The following MBD5 variants were observed in gnomAD, a reference collection of about 807,000 sequenced individuals.
The protein encoded by MBD5 is methyl-CpG-binding domain protein 5.
In MBD5, 13 loss-of-function variants were observed where a neutral mutation model predicts 117.3. The observed-to-expected ratio is 0.11, with a 90% CI of 0.07 to 0.18. The LOEUF (loss-of-function observed/expected upper bound fraction) is 0.18. MBD5 is among the 10% of genes least tolerant of loss of function. MBD5 has a pLI of 1.00. For missense variants in MBD5, 1,879 were observed against 2,093.8 expected (o/e 0.90, Z 2.00); for synonymous variants, 727 against 766.4 (o/e 0.95, Z 0.85).
chr2:148,459,215 A>C (rs1245613870), intron 5 of MBD5, among the ~76,000 whole-genome samples: 3 of 152,154 alleles, frequency 2.0e-5, no homozygotes, highest in Non-Finnish European at 2.9e-5. Flanking sequence ...TGTCCTTCAG[A>C]GTGTGTCAGC....
intron 4 of MBD5, among the ~76,000 whole-genome samples, chr2:148,362,093 T>A (rs1245752178): frequency 6.6e-6 from 1 of 151,816 alleles, no homozygotes; most frequent in Non-Finnish European, 1.5e-5. Context: ...GCTGCCGGAG[T>A]TTTTTTCATA....
At chr2:148,325,997 A>G (rs1305291201) in intron 3 of MBD5, among the ~76,000 whole-genome samples, 4 of 152,094 alleles carry the variant, frequency 2.6e-5, no homozygotes, top group Non-Finnish European at 5.9e-5. Context: ...CCCTCTACAT[A>G]CTGCTTTGAA....
Position 148,021,227 on chromosome 2 carries a change from T to C in MBD5, c.-1382T>C. On this transcript the variant is annotated 5_prime_UTR_variant, in exon 1 of 14. Coordinates refer to ENST00000642680, the MANE Select transcript of MBD5 (RefSeq NM_001378120.1). ...CACTTCAACCTTGAATTCAGGGGGG[T>C]GGGGGGAAGGCGGCTGAGTTCCTTC... The C allele has an allele frequency of 3.9e-6, 1 of 253,544 alleles. No homozygotes were observed. The highest frequency in any genetic ancestry group is 8.1e-6 in the Non-Finnish European group (1 of 122,718). The allele number at this position is 253,544 out of a possible 1,614,324, so 15.7% of individuals were successfully genotyped here.
intron 4 of MBD5, among the ~76,000 whole-genome samples, chr2:148,382,216 C>T (rs568057066): frequency 7.9e-5 from 12 of 151,574 alleles, no homozygotes; most frequent in East Asian, 3.9e-4. Flanking sequence ...ACCCATCTCA[C>T]GTGCAGAGAC....
At chr2:148,092,285 C>T (rs536778637) in intron 1 of MBD5, among the ~76,000 whole-genome samples, 58 of 152,148 alleles carry the variant, frequency 3.8e-4, no homozygotes, top group Non-Finnish European at 7.8e-4. Context: ...GTAGAACTAC[C>T]ATTTGACCCG....
At chr2:148,038,867 T>C (rs1470602427) in intron 1 of MBD5, among the ~76,000 whole-genome samples, 2 of 152,058 alleles carry the variant, frequency 1.3e-5, no homozygotes, top group African/African-American at 4.8e-5. Context: ...ATATATTAAA[T>C]AGAAAAACTG....
chr2:148,397,917 T>C (rs1161657304), intron 4 of MBD5, among the ~76,000 whole-genome samples: 1 of 151,942 alleles, frequency 6.6e-6, no homozygotes, highest in Non-Finnish European at 1.5e-5. Context: ...GTTTTTTGTC[T>C]TTTGCGATAG....
intron 6 of MBD5, among the ~76,000 whole-genome samples, chr2:148,463,346 G>A (rs990963225): frequency 3.3e-5 from 5 of 152,044 alleles, no homozygotes; most frequent in African/African-American, 7.2e-5. Context: ...TAATATTAAC[G>A]TAATAATAAA....
intron 4 of MBD5, among the ~76,000 whole-genome samples, chr2:148,406,548 T>G (rs1705083646): frequency 6.6e-6 from 1 of 152,200 alleles, no homozygotes; most frequent in Admixed American, 6.5e-5. Context: ...TTGTCACTCC[T>G]CTTGCTTATA....
At chr2:148,326,622 G>T (rs1037931661) in intron 3 of MBD5, among the ~76,000 whole-genome samples, 7 of 152,042 alleles carry the variant, frequency 4.6e-5, no homozygotes, top group South Asian at 2.1e-4. Flanking sequence ...ATCTTTGTTG[G>T]TTTAAAGTCT....
intron 1 of MBD5, among the ~76,000 whole-genome samples, chr2:148,176,699 A>G (rs10427158): frequency 0.93 from 140,808 of 152,080 alleles, 65,971 homozygotes; most frequent in East Asian, 1. Flanking sequence ...TTGAGCCACT[A>G]CGCCCAGCAA....
chr2:148,434,022 G>GT (rs1706076074), intron 4 of MBD5, among the ~76,000 whole-genome samples: 1 of 151,624 alleles, frequency 6.6e-6, no homozygotes, highest in African/African-American at 2.4e-5. Flanking sequence ...CTGGTCCTGG[G>GT]TTTTTTCTGG....
intron 3 of MBD5, among the ~76,000 whole-genome samples, chr2:148,270,226 G>A (rs1700951178): frequency 6.6e-6 from 1 of 151,934 alleles, no homozygotes; most frequent in African/African-American, 2.4e-5. Context: ...GTATTGGCTG[G>A]CTTGTCTTGA....
At position 148,490,568 on chromosome 2, in the gene MBD5, T is replaced by C. The variant is rs1325416487; in HGVS notation, c.4936T>C (p.Cys1646Arg). 4 of 1,614,100 alleles carry C rather than the reference T, an allele frequency of 2.5e-6. No individual in the cohort carries two copies. The highest frequency in any genetic ancestry group is 3.3e-5 in the Admixed American group (2 of 60,010). ...LVREDDVHNS[C>R]QQSPEEGKVE... ...AAGAGAAGACGACGTTCACAATTCA[T>C]GTCAACAAAGCCCCGAGGAAGGGAA... Residue 1646 changes from cysteine (C) to arginine (R), a missense_variant, in exon 11 of 14, where the codon TGT becomes CGT. By Grantham distance (180) the Cys-to-Arg change is radical. Transcript: ENST00000642680.
chr2:148,119,947 A>G (rs1015004081), intron 1 of MBD5, among the ~76,000 whole-genome samples: 1 of 150,720 alleles, frequency 6.6e-6, no homozygotes, highest in African/African-American at 2.4e-5. Flanking sequence ...TTTGTCACGC[A>G]TGCTCAAACA....
chr2:148,142,143 A>G lies in MBD5; in HGVS notation c.-924-36557A>G, dbSNP rs147575992. ...CTATCGTATTGCAAATGGGAGTCCC[A>G]CAAAAGAAGAACCAAAACAATAGAG... On this transcript the variant is annotated intron_variant, in intron 1 of 13. Transcript: ENST00000642680. Among the ~76,000 whole-genome samples, 592 of 152,332 alleles carry G rather than the reference A, an allele frequency of 3.9e-3. 3 individuals carry two copies. The highest frequency in any genetic ancestry group is 6.0e-3 in the Non-Finnish European group (406 of 68,024).
chr2:148,450,449 G>T (rs903550283), intron 4 of MBD5, among the ~76,000 whole-genome samples: 1 of 152,150 alleles, frequency 6.6e-6, no homozygotes, highest in African/African-American at 2.4e-5. Context: ...TGAGTTGGCA[G>T]TTAAGTCTGG....
At chr2:148,302,836 T>C (rs965479539) in intron 3 of MBD5, among the ~76,000 whole-genome samples, 4 of 151,836 alleles carry the variant, frequency 2.6e-5, no homozygotes, top group African/African-American at 9.7e-5. Context: ...GTCACTATCT[T>C]GCCCAGGCTT....
At chr2:148,073,048 A>T (rs542119734) in intron 1 of MBD5, among the ~76,000 whole-genome samples, 4 of 147,602 alleles carry the variant, frequency 2.7e-5, no homozygotes, top group Non-Finnish European at 6.0e-5. Flanking sequence ...CCCCACCACC[A>T]TAGAACTGGC....
Sources: allele counts gnomAD v4.1 joint callset (sites outside exome capture counted in the v4.1 genomes callset), GRCh38; gene constraint gnomAD v4.1.1; transcripts MANE v1.5; gene names NCBI Gene and HGNC (gene_info 2026-07-23, HGNC 2026-07-21).